The following PRDM5 variants were observed in gnomAD, a reference collection of about 807,000 sequenced individuals.
PRDM5 encodes PR/SET domain 5, also known as PR domain zinc finger protein 5.
Under a neutral mutation model 81.2 loss-of-function variants are expected in PRDM5, and 56 were observed. The observed-to-expected ratio is 0.69, with a 90% CI of 0.56 to 0.86. PRDM5 has a LOEUF of 0.86. Ranked by LOEUF, PRDM5 falls within the 40% of genes least tolerant of loss-of-function variation. The pLI is 0.00. For missense variants in PRDM5, 697 were observed against 770.1 expected (o/e 0.91, Z 1.12); for synonymous variants, 267 against 256.4 (o/e 1.04, Z -0.39).
intron 14 of PRDM5, among the ~76,000 whole-genome samples, chr4:120,717,699 A>G (rs1472927356): frequency 6.6e-6 from 1 of 152,224 alleles, no homozygotes; most frequent in African/African-American, 2.4e-5. Flanking sequence ...GCTACCAAGG[A>G]TAAGGATGGG....
At chr4:120,713,272 G>C (rs1737266173) in intron 14 of PRDM5, among the ~76,000 whole-genome samples, 1 of 151,970 alleles carries the variant, frequency 6.6e-6, no homozygotes. Flanking sequence ...TTTAAAATTA[G>C]TATTTGCCTG....
At chr4:120,735,576 C>T (rs908559157) in intron 14 of PRDM5, among the ~76,000 whole-genome samples, 1 of 152,052 alleles carries the variant, frequency 6.6e-6, no homozygotes, top group Admixed American at 6.6e-5. Context: ...TTTCTCCTGC[C>T]AGGTCTGGAG....
At chr4:120,872,352 G>T (rs181988037) in intron 2 of PRDM5, among the ~76,000 whole-genome samples, 1 of 151,990 alleles carries the variant, frequency 6.6e-6, no homozygotes, top group East Asian at 1.9e-4. Flanking sequence ...ACACACGAGG[G>T]ATTACTATTC....
intron 14 of PRDM5, among the ~76,000 whole-genome samples, chr4:120,750,716 A>ACG (rs1190218370): frequency 7.9e-5 from 11 of 140,112 alleles, no homozygotes; most frequent in African/African-American, 2.8e-4. Context: ...ACACACACAC[A>ACG]CACGCGCACA....
chr4:120,740,564 T>C (rs989149076), intron 14 of PRDM5, among the ~76,000 whole-genome samples: 4 of 152,144 alleles, frequency 2.6e-5, no homozygotes, highest in Admixed American at 6.5e-5. Context: ...CTCCCTATTC[T>C]TCACCACCTA....
chr4:120,742,613 T>C (rs996127892), intron 14 of PRDM5, among the ~76,000 whole-genome samples: 2 of 151,910 alleles, frequency 1.3e-5, no homozygotes, highest in Non-Finnish European at 2.9e-5. Flanking sequence ...AACCAAGGCT[T>C]GAGAACTACG....
At chr4:120,775,378 G>C (rs1360387194) in intron 13 of PRDM5, among the ~76,000 whole-genome samples, 2 of 152,076 alleles carry the variant, frequency 1.3e-5, no homozygotes, top group Non-Finnish European at 2.9e-5. Context: ...ACTAGTGTAA[G>C]TGCTTTATTC....
At chr4:120,858,919 C>T (rs1760223427) in intron 2 of PRDM5, among the ~76,000 whole-genome samples, 1 of 152,176 alleles carries the variant, frequency 6.6e-6, no homozygotes, top group African/African-American at 2.4e-5. Flanking sequence ...ACCTAGATGT[C>T]ATCCAAGGCT....
At chr4:120,873,896 G>GT (rs1161575706) in intron 2 of PRDM5, among the ~76,000 whole-genome samples, 9 of 151,982 alleles carry the variant, frequency 5.9e-5, no homozygotes, top group Non-Finnish European at 1.3e-4. Context: ...TTAAATAGCT[G>GT]TTTTTTTATT....
At chr4:120,807,726 A>T (rs1166125440) in intron 8 of PRDM5, among the ~76,000 whole-genome samples, 1 of 151,570 alleles carries the variant, frequency 6.6e-6, no homozygotes, top group African/African-American at 2.4e-5. Context: ...TGAGGTTCGG[A>T]TGTGTTTGGA....
At chr4:120,705,302 C>T (rs1735949053) in intron 15 of PRDM5, among the ~76,000 whole-genome samples, 1 of 152,030 alleles carries the variant, frequency 6.6e-6, no homozygotes, top group East Asian at 1.9e-4. Context: ...TGTCATTGAG[C>T]TTATAATAAA....
At chr4:120,839,139 G>C in intron 3 of PRDM5, 1 of 677,644 alleles carries the variant, frequency 1.5e-6, no homozygotes, top group South Asian at 1.5e-5. Context: ...GAGCTCCCAG[G>C]TCTGGGATCC....
intron 14 of PRDM5, among the ~76,000 whole-genome samples, chr4:120,733,156 G>T (rs1740514025): frequency 6.6e-6 from 1 of 152,150 alleles, no homozygotes; most frequent in Non-Finnish European, 1.5e-5. Context: ...ATAGGTTTGT[G>T]TTTCAGTAAA....
In PRDM5 at chr4:120,829,628, C is replaced by T. The variant is rs566616217; in HGVS notation, c.301-8283G>A. Among the ~76,000 whole-genome samples the T allele has an allele frequency of 3.9e-5, 6 of 152,152 alleles. No homozygotes were observed. In the South Asian group the frequency reaches 8.3e-4, roughly 21 times the overall value. On this transcript the variant is annotated intron_variant, in intron 3 of 15. Transcript: ENST00000264808. ...TGGTATTTCAGCTGTATCTGTATGT[C>T]GCTTAACTCAGTTTTTGTTTACTTG...
chr4:120,918,275 T>C (rs1039351789), intron 1 of PRDM5, among the ~76,000 whole-genome samples: 20 of 152,214 alleles, frequency 1.3e-4, no homozygotes. Context: ...AGGGAAGAGA[T>C]AGCATATACG....
At chr4:120,790,919 G>C (rs960600380) in intron 10 of PRDM5, among the ~76,000 whole-genome samples, 1 of 151,992 alleles carries the variant, frequency 6.6e-6, no homozygotes, top group Non-Finnish European at 1.5e-5. Flanking sequence ...CTCCAGCCTG[G>C]GTGATAGAGC....
chr4:120,684,637 T>A (rs563921852), downstream of PRDM5, among the ~76,000 whole-genome samples: 2 of 152,012 alleles, frequency 1.3e-5, no homozygotes, highest in Non-Finnish European at 2.9e-5. Flanking sequence ...GGGGCTTATC[T>A]AATTTGCAAT....
At chr4:120,832,657 C>A (rs959563968) in intron 3 of PRDM5, among the ~76,000 whole-genome samples, 2 of 152,022 alleles carry the variant, frequency 1.3e-5, no homozygotes, top group Non-Finnish European at 2.9e-5. Flanking sequence ...AGGCTATCAA[C>A]AAAGTATCTG....
At chr4:120,701,487 T>C (rs1735361961) in intron 15 of PRDM5, among the ~76,000 whole-genome samples, 1 of 152,202 alleles carries the variant, frequency 6.6e-6, no homozygotes, top group Admixed American at 6.5e-5. Context: ...CACCATGGAA[T>C]ACTATGCAGC....
Sources: gnomAD v4.1 joint callset for allele counts (sites outside exome capture counted in the v4.1 genomes callset) on GRCh38, gnomAD v4.1.1 for gene constraint, MANE v1.5 for transcripts, NCBI Gene and HGNC (gene_info 2026-07-23, HGNC 2026-07-21) for gene names.